COPG2: variants seen among roughly 807,000 people sequenced by gnomAD.
The protein encoded by COPG2 is coatomer subunit gamma-2.
In COPG2, 37 loss-of-function variants were observed where a neutral mutation model predicts 46.3. The observed-to-expected ratio is 0.80, with a 90% CI of 0.61 to 1.05. The LOEUF (loss-of-function observed/expected upper bound fraction) is 1.05, where lower values mean the gene tolerates loss of function less well. COPG2 is among the 50% of genes least tolerant of loss of function. The pLI, the probability that COPG2 is intolerant of heterozygous loss-of-function variation, is 0.00. For synonymous variants in COPG2, 159 were observed against 129.7 expected (o/e 1.23, Z -1.53); for missense variants, 427 against 387.8 (o/e 1.10, Z -0.85).
chr7:130,646,651 C>T (rs549945514), intron 5 of COPG2, among the ~76,000 whole-genome samples: 2 of 152,098 alleles, frequency 1.3e-5, no homozygotes, highest in African/African-American at 4.8e-5. Flanking sequence ...GCAATCCCCA[C>T]GTGTTGAGGG....
At chr7:130,568,232 GC>G (rs1793836992) in intron 9 of COPG2, among the ~76,000 whole-genome samples, 1 of 151,994 alleles carries the variant, frequency 6.6e-6, no homozygotes, top group Non-Finnish European at 1.5e-5. Context: ...CCAAGATCGC[GC>G]CATTGCACTC....
intron 9 of COPG2, among the ~76,000 whole-genome samples, chr7:130,595,273 T>G (rs1794506178): frequency 6.6e-6 from 1 of 152,156 alleles, no homozygotes; most frequent in South Asian, 2.1e-4. Flanking sequence ...GGCCACATAT[T>G]GTGTGATTCC....
intron 20 of COPG2, among the ~76,000 whole-genome samples, chr7:130,519,733 G>A (rs986780568): frequency 1.1e-4 from 17 of 152,208 alleles, no homozygotes; most frequent in African/African-American, 3.9e-4. Flanking sequence ...AAAAGAAACA[G>A]AGGATAGCAA....
chr7:130,661,229 C>T (rs994506838), intron 4 of COPG2, among the ~76,000 whole-genome samples: 22 of 152,128 alleles, frequency 1.4e-4, no homozygotes, highest in African/African-American at 5.3e-4. Context: ...AAAAGTTTGT[C>T]CTCATCCTTT....
intron 4 of COPG2, among the ~76,000 whole-genome samples, chr7:130,656,662 T>A (rs552627244): frequency 4.6e-5 from 7 of 152,288 alleles, no homozygotes; most frequent in Admixed American, 6.5e-5. Context: ...AAAGTTCATT[T>A]AATTCTAGAG....
At chr7:130,644,897 AC>A (rs1795562989) in intron 5 of COPG2, among the ~76,000 whole-genome samples, 1 of 151,898 alleles carries the variant, frequency 6.6e-6, no homozygotes, top group African/African-American at 2.4e-5. Context: ...CCCCTTCTCT[AC>A]TAAAAATACA....
chr7:130,594,755 G>T (rs1794494822), intron 9 of COPG2, among the ~76,000 whole-genome samples: 1 of 152,172 alleles, frequency 6.6e-6, no homozygotes, highest in Non-Finnish European at 1.5e-5. Flanking sequence ...CACATGAAAA[G>T]ATGTTCAACA....
intron 20 of COPG2, among the ~76,000 whole-genome samples, chr7:130,525,855 A>G (rs1162424277): frequency 6.6e-6 from 1 of 151,944 alleles, no homozygotes; most frequent in Non-Finnish European, 1.5e-5. Flanking sequence ...AAACAGGAGG[A>G]AAAGCAGAGG....
chr7:130,645,097 C>T (rs186296033), intron 5 of COPG2: 3 of 372,712 alleles, frequency 8.0e-6, no homozygotes, highest in African/African-American at 2.2e-5. Context: ...AAAAGAAATG[C>T]TTAAGCATCC....
intron 3 of COPG2, among the ~76,000 whole-genome samples, chr7:130,666,584 T>C (rs1444177026): frequency 6.6e-6 from 1 of 152,208 alleles, no homozygotes; most frequent in Non-Finnish European, 1.5e-5. Flanking sequence ...AGTGAGTATG[T>C]ATTCTGCAAA....
chr7:130,536,994 G>A (rs1196497469), intron 20 of COPG2, among the ~76,000 whole-genome samples: 1 of 151,900 alleles, frequency 6.6e-6, no homozygotes, highest in Non-Finnish European at 1.5e-5. Flanking sequence ...GGGAGGAGGT[G>A]GGAGGAGGGT....
At chr7:130,578,538 T>C (rs1554446657) in intron 9 of COPG2, among the ~76,000 whole-genome samples, 1 of 150,516 alleles carries the variant, frequency 6.6e-6, no homozygotes, top group Non-Finnish European at 1.5e-5. Flanking sequence ...CTTCAGACGA[T>C]CAAATTACTC....
chr7:130,556,615 A>G (rs979162446), intron 12 of COPG2, among the ~76,000 whole-genome samples: 1 of 152,238 alleles, frequency 6.6e-6, no homozygotes, highest in Admixed American at 6.5e-5. Flanking sequence ...AAAATCATTT[A>G]TAAATACCGA....
chr7:130,536,502 AGAT>A (rs1448894110), intron 20 of COPG2, among the ~76,000 whole-genome samples: 1 of 152,190 alleles, frequency 6.6e-6, no homozygotes, highest in Non-Finnish European at 1.5e-5. Context: ...AAAGGAACAC[AGAT>A]AACAGCAAAA....
chr7:130,628,254 C>A (rs963375505), intron 5 of COPG2, among the ~76,000 whole-genome samples: 16 of 152,106 alleles, frequency 1.1e-4, no homozygotes, highest in Non-Finnish European at 1.8e-4. Flanking sequence ...ACCCCCGCCC[C>A]CTTTCTGCCT....
intron 12 of COPG2, among the ~76,000 whole-genome samples, chr7:130,558,121 G>GA (rs1345927578): frequency 2.0e-5 from 3 of 152,006 alleles, no homozygotes; most frequent in Admixed American, 6.6e-5. Context: ...CCCGTCTACA[G>GA]AAAAAATTAA....
intron 20 of COPG2, chr7:130,511,030 A>G: frequency 1.9e-6 from 1 of 513,814 alleles, no homozygotes; most frequent in South Asian, 1.4e-5. Flanking sequence ...ATGAGAGTCA[A>G]CCACTAAGGA....
At chr7:130,649,674 T>C (rs1200561490) in intron 5 of COPG2, among the ~76,000 whole-genome samples, 3 of 152,212 alleles carry the variant, frequency 2.0e-5, no homozygotes, top group African/African-American at 7.2e-5. Context: ...GTTTTCTCTA[T>C]CCTGCTGCTC....
chr7:130,578,518 GAGA>G (rs1182324408), intron 9 of COPG2, among the ~76,000 whole-genome samples: 8 of 151,706 alleles, frequency 5.3e-5, no homozygotes, highest in Admixed American at 5.2e-4. Context: ...GACGAGCTGA[GAGA>G]AGAAGGCTTC....
Sources: allele counts gnomAD v4.1 joint callset (sites outside exome capture counted in the v4.1 genomes callset), GRCh38; gene constraint gnomAD v4.1.1; transcripts MANE v1.5; gene names NCBI Gene and HGNC (gene_info 2026-07-23, HGNC 2026-07-21).